LIMCH1: variants seen among roughly 807,000 people sequenced by gnomAD.
LIMCH1 encodes LIM and calponin homology domains 1, also known as LIM and calponin homology domains-containing protein 1.
A neutral mutation model predicts 176.5 loss-of-function variants in LIMCH1; 113 were observed. That is an observed-to-expected ratio of 0.64 (90% CI 0.55 to 0.75). The LOEUF is 0.75. LIMCH1 is among the 30% of genes least tolerant of loss of function. The pLI is 0.00. For synonymous variants in LIMCH1, 619 were observed against 645.9 expected, an observed-to-expected ratio of 0.96 and a Z score of 0.63; for missense variants, 1,674 against 1,814.9, an observed-to-expected ratio of 0.92 and a Z score of 1.41.
intron 29 of LIMCH1, 21 bp from the exon 30 acceptor site, chr4:41,689,506 T>C: frequency 7.5e-7 from 1 of 1,326,548 alleles, no homozygotes; most frequent in Non-Finnish European, 1.1e-6. Flanking sequence ...TTTTTATTCT[T>C]ATGTATATTT....
chr4:41,646,529 G>A lies in LIMCH1; in HGVS notation c.2456G>A (p.Arg819Gln), dbSNP rs201461213. 21 of 1,614,088 alleles carry A rather than the reference G, an allele frequency of 1.3e-5. No homozygotes were observed. The East Asian group carries it at 2.5e-4, about 19-fold the overall frequency. The change falls in exon 17 of 32, where the codon CGG (arginine) becomes CAG (glutamine). Residue 819 changes from arginine (R) to glutamine (Q), a missense_variant. This residue lies in a region of LIMCH1 where 1,015 missense variants were observed against 1,102.5 expected (regional missense o/e 0.92). Coordinates refer to ENST00000503057, the MANE Select transcript of LIMCH1 (RefSeq NM_001330672.2). Reference protein sequence around the residue: ...RELHEAYKNARSQEEAEGILQ... With the variant: ...RELHEAYKNAQSQEEAEGILQ... ...CTGCATGAAGCATATAAGAACGCTC[G>A]GTCCCAGGAGGAGGCAGAGGGGATC...
chr4:41,497,145 G>A (rs1329578566), intron 2 of LIMCH1, among the ~76,000 whole-genome samples: 1 of 152,212 alleles, frequency 6.6e-6, no homozygotes, highest in Non-Finnish European at 1.5e-5. Context: ...TCTTGGAACA[G>A]TGTTATCCCA....
At chr4:41,548,233 A>C (rs1397159235) in intron 1 of LIMCH1, among the ~76,000 whole-genome samples, 2 of 152,052 alleles carry the variant, frequency 1.3e-5, no homozygotes, top group Non-Finnish European at 2.9e-5. Context: ...CTGAAATTAC[A>C]CTAGCCAAGT....
intron 2 of LIMCH1, among the ~76,000 whole-genome samples, chr4:41,511,776 G>A (rs1300590912): frequency 6.6e-6 from 1 of 152,122 alleles, no homozygotes; most frequent in Non-Finnish European, 1.5e-5. Flanking sequence ...ACTCAGAATG[G>A]ATCATAGACA....
chr4:41,402,162 C>T (rs1262385069), intron 1 of LIMCH1, among the ~76,000 whole-genome samples: 2 of 152,092 alleles, frequency 1.3e-5, no homozygotes, highest in African/African-American at 2.4e-5. Context: ...AAAAAGTGGG[C>T]AAAGGATATG....
intron 27 of LIMCH1, 34 bp from the exon 28 acceptor site, chr4:41,685,676 G>C: frequency 6.2e-7 from 1 of 1,611,738 alleles, no homozygotes; most frequent in South Asian, 1.1e-5. Flanking sequence ...TGATTTTACT[G>C]TGCACTACAT....
chr4:41,625,179 C>T (rs980673430), intron 7 of LIMCH1, among the ~76,000 whole-genome samples: 2 of 152,142 alleles, frequency 1.3e-5, no homozygotes, highest in African/African-American at 2.4e-5. Flanking sequence ...TTAATATTCT[C>T]TTCTGCAAAG....
At chr4:41,619,130 A>G in intron 5 of LIMCH1, 58 bp from the exon 6 acceptor site, 1 of 1,592,722 alleles carries the variant, frequency 6.3e-7, no homozygotes, top group South Asian at 1.1e-5. Flanking sequence ...CATGCTTAAC[A>G]TTGGGAACTT....
chr4:41,663,397 C>A (rs940279218), intron 20 of LIMCH1, among the ~76,000 whole-genome samples: 1 of 152,072 alleles, frequency 6.6e-6, no homozygotes, highest in African/African-American at 2.4e-5. Flanking sequence ...AATATAAGTT[C>A]TAAAGCCTTG....
chr4:41,664,576 T>C (rs991013099), intron 20 of LIMCH1, among the ~76,000 whole-genome samples: 4 of 152,260 alleles, frequency 2.6e-5, no homozygotes, highest in Admixed American at 6.5e-5. Flanking sequence ...TTTCGTTTTA[T>C]CAGCATCACA....
intron 1 of LIMCH1, among the ~76,000 whole-genome samples, chr4:41,394,305 G>A (rs1245538478): frequency 6.6e-6 from 1 of 152,124 alleles, no homozygotes; most frequent in Non-Finnish European, 1.5e-5. Flanking sequence ...TCAGAAGTTA[G>A]ATTCTTGGGT....
chr4:41,671,057 T>TAAA (rs1218260941), intron 21 of LIMCH1: 8 of 820,746 alleles, frequency 9.7e-6, no homozygotes, highest in East Asian at 1.3e-4. Flanking sequence ...TCCCCTGCCT[T>TAAA]TAAAAAAAAA....
At chr4:41,681,804 C>T (rs539524467) in intron 25 of LIMCH1, among the ~76,000 whole-genome samples, 3 of 152,290 alleles carry the variant, frequency 2.0e-5, no homozygotes, top group Admixed American at 1.3e-4. Context: ...TACCCCAAAA[C>T]TTCAAGACAA....
chr4:41,412,231 C>G (rs1400151536), intron 1 of LIMCH1, among the ~76,000 whole-genome samples: 2 of 152,120 alleles, frequency 1.3e-5, no homozygotes, highest in African/African-American at 4.8e-5. Context: ...GGCACTTGGT[C>G]TTCCTCATGC....
At chr4:41,494,450 CACAT>C in intron 1 of LIMCH1, 5 of 868,796 alleles carry the variant, frequency 5.8e-6, no homozygotes, top group Non-Finnish European at 9.4e-6. Context: ...TATGTACACA[CACAT>C]ACACACACAC....
At chr4:41,506,436 G>A (rs557898625) in intron 2 of LIMCH1, among the ~76,000 whole-genome samples, 9 of 152,236 alleles carry the variant, frequency 5.9e-5, no homozygotes, top group African/African-American at 1.2e-4. Context: ...GTTGGCTATC[G>A]ACCATGTGCT....
chr4:41,438,299 G>A (rs959677975), intron 1 of LIMCH1, among the ~76,000 whole-genome samples: 1 of 152,152 alleles, frequency 6.6e-6, no homozygotes, highest in African/African-American at 2.4e-5. Context: ...ACATCGTCAG[G>A]TGAGTAGTGG....
chr4:41,427,568 G>A (rs887206626), intron 1 of LIMCH1, among the ~76,000 whole-genome samples: 2 of 152,166 alleles, frequency 1.3e-5, no homozygotes, highest in Non-Finnish European at 2.9e-5. Flanking sequence ...TTTCCTTAAA[G>A]AAGTGGAAGG....
At chr4:41,613,065 A>G in intron 4 of LIMCH1, 1 of 1,552,086 alleles carries the variant, frequency 6.4e-7, no homozygotes, top group African/African-American at 1.4e-5. Context: ...CCCAGGACAG[A>G]CATGCAGTTA....
Sources: allele counts gnomAD v4.1 joint callset (sites outside exome capture counted in the v4.1 genomes callset), GRCh38; gene constraint gnomAD v4.1.1; regional missense constraint gnomAD v4.1.1; transcripts MANE v1.5; gene names NCBI Gene and HGNC (gene_info 2026-07-23, HGNC 2026-07-21).